Variants in FIG4 observed in about 807,000 individuals in gnomAD.
FIG4 encodes polyphosphoinositide phosphatase.
Under a neutral mutation model 118.6 loss-of-function variants are expected in FIG4, and 112 were observed. The ratio of observed to expected loss-of-function variants is 0.94; its 90% confidence interval spans 0.81 to 1.11. The LOEUF (loss-of-function observed/expected upper bound fraction) is 1.11. FIG4 is among the 50% of genes least tolerant of loss of function. FIG4 has a pLI of 0.00. For synonymous variants in FIG4, 369 were observed against 381.2 expected (o/e 0.97, Z 0.37); for missense variants, 969 against 1,111.7 (o/e 0.87, Z 1.83).
chr6:109,814,313 AT>A (rs72561601), intron 22 of FIG4, among the ~76,000 whole-genome samples: 1 of 151,356 alleles, frequency 6.6e-6, no homozygotes. Flanking sequence ...TAATTTTTTA[AT>A]TTTTTTTGTA....
At chr6:109,694,306 G>T (rs991859565) in intron 1 of FIG4, among the ~76,000 whole-genome samples, 1 of 152,186 alleles carries the variant, frequency 6.6e-6, no homozygotes, top group Non-Finnish European at 1.5e-5. Flanking sequence ...TAGGCATAAG[G>T]TGTGGTGCAG....
chr6:109,754,001 C>T (rs974887307), intron 10 of FIG4, among the ~76,000 whole-genome samples: 34 of 152,296 alleles, frequency 2.2e-4, no homozygotes, highest in Admixed American at 1.0e-3. Context: ...TGAGAGAGGG[C>T]ATCCCTGTCT....
In FIG4 at chr6:109,792,723, C is replaced by T. The variant is rs77634668; in HGVS notation, c.2459+59C>T. On this transcript the variant is annotated intron_variant, in intron 21 of 22. Coordinates refer to ENST00000230124, the MANE Select transcript of FIG4 (RefSeq NM_014845.6). The stretch of plus-strand genomic sequence containing the variant: ...TGAATATTTATAATTACAGTAACTT[C>T]TAACTACTATACCTTTTTTTTTTTT... The T allele has an allele frequency of 3.2e-3, 2,397 of 745,964 alleles. 54 individuals are homozygous for T. In the African/African-American group the frequency reaches 0.041, roughly 13 times the overall value. The allele number at this position is 745,964 out of a possible 1,614,324, so 46.2% of individuals were successfully genotyped here.
At chr6:109,717,505 C>T (rs915025285) in intron 3 of FIG4, among the ~76,000 whole-genome samples, 1 of 152,074 alleles carries the variant, frequency 6.6e-6, no homozygotes, top group Non-Finnish European at 1.5e-5. Flanking sequence ...GGATAAAATC[C>T]AATGTACATG....
chr6:109,820,707 C>T (rs894541665), intron 22 of FIG4, among the ~76,000 whole-genome samples: 2 of 152,150 alleles, frequency 1.3e-5, no homozygotes, highest in African/African-American at 2.4e-5. Flanking sequence ...GCAGCAGCAG[C>T]AGCAGCATCA....
chr6:109,814,170 A>G (rs1778795873), intron 22 of FIG4, among the ~76,000 whole-genome samples: 2 of 152,172 alleles, frequency 1.3e-5, no homozygotes, highest in African/African-American at 2.4e-5. Flanking sequence ...TTATTTAAAG[A>G]CAGTCTCGCT....
intron 20 of FIG4, among the ~76,000 whole-genome samples, chr6:109,792,353 C>G (rs1373024800): frequency 6.6e-6 from 1 of 152,186 alleles, no homozygotes; most frequent in Non-Finnish European, 1.5e-5. Context: ...ACAAAAACAC[C>G]TAGTAATTAT....
intron 22 of FIG4, among the ~76,000 whole-genome samples, chr6:109,809,417 AT>A (rs1239448818): frequency 3.3e-5 from 5 of 152,160 alleles, no homozygotes; most frequent in Non-Finnish European, 4.4e-5. Flanking sequence ...TTTAATAATT[AT>A]TTTTTAACTT....
At chr6:109,752,163 T>G (rs1193573444) in intron 10 of FIG4, among the ~76,000 whole-genome samples, 1 of 152,050 alleles carries the variant, frequency 6.6e-6, no homozygotes, top group East Asian at 1.9e-4. Flanking sequence ...ACAAAGGACA[T>G]GAATTCATCA....
intron 11 of FIG4, among the ~76,000 whole-genome samples, chr6:109,761,582 T>G (rs998345523): frequency 1.3e-5 from 2 of 152,220 alleles, no homozygotes; most frequent in African/African-American, 4.8e-5. Context: ...AGATGGGGTT[T>G]CACCATGTTG....
intron 4 of FIG4, among the ~76,000 whole-genome samples, chr6:109,732,085 A>G (rs1003283144): frequency 1.3e-5 from 2 of 152,210 alleles, no homozygotes; most frequent in Non-Finnish European, 2.9e-5. Flanking sequence ...AGAGAGCCGG[A>G]CTGGGGAAGT....
intron 3 of FIG4, among the ~76,000 whole-genome samples, chr6:109,719,545 G>A (rs948103039): frequency 1.1e-4 from 17 of 152,020 alleles, no homozygotes; most frequent in African/African-American, 2.7e-4. Context: ...CGCCACGCCC[G>A]GCTAATGTTT....
At chr6:109,813,112 AT>A (rs1239279377) in intron 22 of FIG4, among the ~76,000 whole-genome samples, 10 of 152,146 alleles carry the variant, frequency 6.6e-5, no homozygotes, top group Admixed American at 3.3e-4. Flanking sequence ...AACCTAGACA[AT>A]TTTATATTTA....
chr6:109,762,087 T>C lies in FIG4; in HGVS notation c.1272-4T>C. 1 of 1,575,966 alleles carries C rather than the reference T, an allele frequency of 6.3e-7. No homozygotes were observed. Among genetic ancestry groups the C allele is most frequent in the East Asian group, 2.2e-5 (1 of 44,684 alleles). On this transcript the variant is annotated splice_polypyrimidine_tract_variant and splice_region_variant and intron_variant, in intron 11 of 22. Coordinates refer to ENST00000230124, the MANE Select transcript of FIG4 (RefSeq NM_014845.6). ...ACTTTTCTCATTCTTCCTTCTCTCC[T>C]CAGCAAGCTGTGTAATGTTCTTGAT...
intron 4 of FIG4, among the ~76,000 whole-genome samples, chr6:109,731,470 T>C (rs1282107832): frequency 2.0e-5 from 3 of 152,120 alleles, no homozygotes; most frequent in African/African-American, 7.2e-5. Flanking sequence ...ATAAATAAAG[T>C]GTGTCATGTG....
chr6:109,771,974 C>T lies in FIG4; in HGVS notation c.1751-4948C>T, dbSNP rs184160707. Among the ~76,000 whole-genome samples, 6 of 152,298 alleles carry T rather than the reference C, an allele frequency of 3.9e-5. No individual in the cohort carries two copies. In the East Asian group the frequency reaches 1.2e-3, roughly 29 times the overall value. On this transcript the variant is annotated intron_variant, in intron 15 of 22. Coordinates refer to ENST00000230124, the MANE Select transcript of FIG4 (RefSeq NM_014845.6). ...TCCCACATGCCCCTCCAGCCACAGT[C>T]CTATTTTTCTGCTCTCATGAGCAAA...
chr6:109,766,650 C>A, intron 14 of FIG4, 79 bp from the exon 15 acceptor site: 1 of 1,218,524 alleles, frequency 8.2e-7, no homozygotes, highest in Non-Finnish European at 1.2e-6. Flanking sequence ...AAGTATAAGA[C>A]TTGTTTGGAG....
chr6:109,823,390 A>C (rs1562703304), intron 22 of FIG4, among the ~76,000 whole-genome samples: 1 of 152,106 alleles, frequency 6.6e-6, no homozygotes. Flanking sequence ...TCTCCTGGTC[A>C]CCCCTAGTTC....
Position 109,789,483 on chromosome 6 carries a change from G to A in FIG4, c.2097-111G>A, listed in dbSNP as rs1778076660. 1.0e-4 allele frequency: 81 copies of A among 808,194 alleles called. 2 individuals are homozygous for A. The South Asian group carries it at 1.1e-3, about 11-fold the overall frequency. The allele number at this position is 808,194 out of a possible 1,614,324, so 50.1% of individuals were successfully genotyped here. ...CAAGTTGGCTCAGAATATGTAATATGTAACTCCTAGAGTTAAGAAGGAATA... is the reference window on the plus strand; with the variant it reads ...CAAGTTGGCTCAGAATATGTAATATATAACTCCTAGAGTTAAGAAGGAATA... On this transcript the variant is annotated intron_variant, in intron 18 of 22. Transcript: ENST00000230124.
Sources: gnomAD v4.1 joint callset for allele counts (sites outside exome capture counted in the v4.1 genomes callset) on GRCh38, gnomAD v4.1.1 for gene constraint, MANE v1.5 for transcripts, NCBI Gene and HGNC (gene_info 2026-07-23, HGNC 2026-07-21) for gene names.